ACBD6: variants seen among roughly 807,000 people sequenced by gnomAD.
ACBD6 encodes acyl-CoA-binding domain-containing protein 6.
In ACBD6, 28 loss-of-function variants were observed where a neutral mutation model predicts 37.2. The observed-to-expected ratio is 0.75, with a 90% CI of 0.56 to 1.03. ACBD6 has a LOEUF of 1.03. Ranked by LOEUF, ACBD6 falls within the 50% of genes least tolerant of loss-of-function variation. The pLI is 0.00. For missense variants in ACBD6, 340 were observed against 337.4 expected, an observed-to-expected ratio of 1.01 and a Z score of -0.06; for synonymous variants, 113 against 126.8, an observed-to-expected ratio of 0.89 and a Z score of 0.73.
chr1:180,460,131 C>T (rs971794535), intron 3 of ACBD6, among the ~76,000 whole-genome samples: 1 of 151,022 alleles, frequency 6.6e-6, no homozygotes, highest in African/African-American at 2.4e-5. Context: ...TCCCTCCCCC[C>T]TCCCCCTACC....
chr1:180,376,944 A>G (rs769930884), intron 6 of ACBD6, among the ~76,000 whole-genome samples: 1 of 152,238 alleles, frequency 6.6e-6, no homozygotes, highest in African/African-American at 2.4e-5. Context: ...TACTGAAGGG[A>G]GTGGGGAAGA....
At chr1:180,501,904 T>TC in intron 1 of ACBD6, 141 bp downstream of exon 1, 1 of 693,168 alleles carries the variant, frequency 1.4e-6, no homozygotes. Flanking sequence ...CAGCAGATGG[T>TC]CAAAAAAAAA....
At chr1:180,350,489 A>C (rs1652367789) in intron 6 of ACBD6, among the ~76,000 whole-genome samples, 1 of 152,194 alleles carries the variant, frequency 6.6e-6, no homozygotes, top group South Asian at 2.1e-4. Flanking sequence ...ATACAAGGGT[A>C]TCTTCACTGG....
At chr1:180,458,817 C>A (rs1429223735) in intron 3 of ACBD6, among the ~76,000 whole-genome samples, 4 of 152,100 alleles carry the variant, frequency 2.6e-5, no homozygotes, top group Admixed American at 2.6e-4. Context: ...GAACTAAAAA[C>A]TTAGATTTAA....
intron 6 of ACBD6, among the ~76,000 whole-genome samples, chr1:180,340,296 TA>T (rs1382792519): frequency 6.6e-6 from 1 of 152,112 alleles, no homozygotes; most frequent in Non-Finnish European, 1.5e-5. Context: ...CTCTGGCTGC[TA>T]GGTTGAAAAT....
At chr1:180,501,732 T>C (rs12121043) in intron 1 of ACBD6, among the ~76,000 whole-genome samples, 73,861 of 151,888 alleles carry the variant, frequency 0.49, 20,780 homozygotes, top group South Asian at 0.66. Context: ...ATGATATATC[T>C]TATTTTATCC....
chr1:180,272,120 A>G (rs945050804), intron 13 of ACBD6: 51 of 927,600 alleles, frequency 5.5e-5, no homozygotes, highest in Non-Finnish European at 7.6e-5. Context: ...CCTCCTGAAC[A>G]CAGGCTTTTC....
intron 3 of ACBD6, among the ~76,000 whole-genome samples, chr1:180,441,606 C>G (rs1350979213): frequency 1.3e-5 from 2 of 152,090 alleles, no homozygotes; most frequent in Non-Finnish European, 2.9e-5. Context: ...TTAAAATTCC[C>G]AGGTTTTTGT....
At chr1:180,275,179 C>T (rs992957143) in exon 10 of ACBD6, 5 of 152,284 alleles carry the variant, frequency 3.3e-5, no homozygotes, top group Admixed American at 2.6e-4. Flanking sequence ...GATATGAATT[C>T]TTTCCTACAA....
chr1:180,428,560 G>T (rs1648691040), intron 4 of ACBD6, among the ~76,000 whole-genome samples: 1 of 152,146 alleles, frequency 6.6e-6, no homozygotes, highest in Non-Finnish European at 1.5e-5. Flanking sequence ...CTCTATCTCA[G>T]GATTTCTACT....
At chr1:180,336,032 A>G (rs1651703365) in intron 6 of ACBD6, among the ~76,000 whole-genome samples, 1 of 151,620 alleles carries the variant, frequency 6.6e-6, no homozygotes, top group African/African-American at 2.4e-5. Context: ...GAGACCTAGA[A>G]AGAGACTTAG....
At chr1:180,413,328 T>G in intron 5 of ACBD6, 38 bp downstream of exon 5, 1 of 1,517,642 alleles carries the variant, frequency 6.6e-7, no homozygotes, top group Non-Finnish European at 9.2e-7. Flanking sequence ...AGAACAACCA[T>G]GCATAGGAAA....
At chr1:180,368,328 G>A (rs978899792) in intron 6 of ACBD6, among the ~76,000 whole-genome samples, 14 of 152,066 alleles carry the variant, frequency 9.2e-5, no homozygotes, top group African/African-American at 3.4e-4. Context: ...TCTATAAGTT[G>A]TCTATTTACT....
intron 13 of ACBD6, chr1:180,272,026 C>G (rs771787597): frequency 1.9e-6 from 3 of 1,605,706 alleles, no homozygotes; most frequent in East Asian, 4.5e-5. Flanking sequence ...GCTGGAGGGG[C>G]CAGGCCGAGG....
intron 6 of ACBD6, among the ~76,000 whole-genome samples, chr1:180,334,690 G>A (rs1309281430): frequency 6.6e-6 from 1 of 152,170 alleles, no homozygotes; most frequent in African/African-American, 2.4e-5. Context: ...AGAGAAGAAG[G>A]CTTCAGACGA....
At chr1:180,299,605 C>T (rs1650050631) in intron 7 of ACBD6, among the ~76,000 whole-genome samples, 1 of 151,944 alleles carries the variant, frequency 6.6e-6, no homozygotes, top group African/African-American at 2.4e-5. Flanking sequence ...TGCCTCCTCC[C>T]ACTGCCCTGT....
At chr1:180,416,081 G>A (rs547142156) in intron 4 of ACBD6, among the ~76,000 whole-genome samples, 75 of 152,066 alleles carry the variant, frequency 4.9e-4, no homozygotes, top group African/African-American at 1.7e-3. Context: ...GCTGAATGAC[G>A]AATATAAAAA....
chr1:180,350,239 G>T (rs1652357844), intron 6 of ACBD6, among the ~76,000 whole-genome samples: 1 of 152,014 alleles, frequency 6.6e-6, no homozygotes, highest in African/African-American at 2.4e-5. Context: ...TCACTATGTT[G>T]CTCAGGCTGG....
chr1:180,450,511 C>A (rs1326197137), intron 3 of ACBD6, among the ~76,000 whole-genome samples: 1 of 152,188 alleles, frequency 6.6e-6, no homozygotes, highest in Non-Finnish European at 1.5e-5. Context: ...GTAATCCCAG[C>A]ACTTTGGGAG....
Sources: gnomAD v4.1 joint callset for allele counts (sites outside exome capture counted in the v4.1 genomes callset) on GRCh38, gnomAD v4.1.1 for gene constraint, MANE v1.5 for transcripts, NCBI Gene and HGNC (gene_info 2026-07-23, HGNC 2026-07-21) for gene names.